The following C3orf33 variants were observed in gnomAD, a reference collection of about 807,000 sequenced individuals.
C3orf33 encodes mitochondrial inner membrane subdomain organizer 1, also known as AP-1 activity suppressor.
Under a neutral mutation model 28.7 loss-of-function variants are expected in C3orf33, and 23 were observed. The ratio of observed to expected loss-of-function variants is 0.80; its 90% CI spans 0.58 to 1.13. The LOEUF (loss-of-function observed/expected upper bound fraction) is 1.13. Ranked by LOEUF, C3orf33 falls within the 50% of genes most tolerant of loss-of-function variation. The pLI is 0.00. For missense variants in C3orf33, 327 were observed against 353.4 expected, an observed-to-expected ratio of 0.93 and a Z score of 0.60; for synonymous variants, 119 against 120.5, an observed-to-expected ratio of 0.99 and a Z score of 0.08.
chr3:155,778,801 T>A (rs942510854), intron 2 of C3orf33, among the ~76,000 whole-genome samples: 2 of 152,164 alleles, frequency 1.3e-5, no homozygotes, highest in African/African-American at 4.8e-5. Flanking sequence ...TTAATCAATG[T>A]CAATAGAAAG....
In C3orf33 at chr3:155,795,694, AC is replaced by A. The variant is rs554760053; in HGVS notation, c.174+6837del. Among the ~76,000 whole-genome samples, 519 of 151,092 alleles carry A rather than the reference AC, an allele frequency of 3.4e-3. 2 individuals are homozygous for A. Among genetic ancestry groups the A allele is most frequent in the African/African-American group, 0.012 (485 of 41,452 alleles). ...ATGAAGGCTGGGAGCGGTGGCTTAC[AC>A]CTGTAATTCCAGCACTTTAGGAGGC... is the stretch of plus-strand genomic sequence containing the variant. On this transcript the variant is annotated intron_variant, in intron 2 of 4. Coordinates refer to ENST00000340171, the MANE Select transcript of C3orf33 (RefSeq NM_001308229.2).
intron 2 of C3orf33, among the ~76,000 whole-genome samples, chr3:155,783,418 G>A (rs894718547): frequency 6.7e-6 from 1 of 150,138 alleles, no homozygotes; most frequent in Non-Finnish European, 1.5e-5. Flanking sequence ...TCCACCCAAA[G>A]GGTTGGGATT....
chr3:155,777,034 T>C (rs1024805880), intron 2 of C3orf33, among the ~76,000 whole-genome samples: 6 of 152,042 alleles, frequency 3.9e-5, no homozygotes, highest in Admixed American at 1.3e-4. Flanking sequence ...ATAGTGACAA[T>C]TGGCCGGGCA....
chr3:155,793,004 C>T (rs892113377), intron 2 of C3orf33, among the ~76,000 whole-genome samples: 2 of 151,612 alleles, frequency 1.3e-5, no homozygotes, highest in African/African-American at 4.8e-5. Context: ...CAGATTTAAC[C>T]GAAAGACGAT....
chr3:155,802,595 C>A lies in C3orf33; in HGVS notation c.115-4G>T. On this transcript the variant is annotated splice_polypyrimidine_tract_variant and splice_region_variant and intron_variant, in intron 1 of 4. Coordinates refer to ENST00000340171, the MANE Select transcript of C3orf33 (RefSeq NM_001308229.2). ...TGGCCATTCCAGTGCTGATGTTCTACAGAAAGAGATTTAAGGGTTAACCCT... is the reference window on the plus strand; with the variant it reads ...TGGCCATTCCAGTGCTGATGTTCTAAAGAAAGAGATTTAAGGGTTAACCCT... 1 of 1,588,704 alleles carries A rather than the reference C, an allele frequency of 6.3e-7. No individual in the cohort carries two copies. The highest frequency in any genetic ancestry group is 8.5e-7 in the Non-Finnish European group (1 of 1,172,582).
intron 2 of C3orf33, among the ~76,000 whole-genome samples, chr3:155,800,238 CAT>C (rs1275811920): frequency 2.6e-5 from 4 of 151,910 alleles, no homozygotes; most frequent in East Asian, 3.9e-4. Context: ...AAAAGGAAAA[CAT>C]AGACAAATTG....
At chr3:155,804,909 T>C (rs867951071) in intron 1 of C3orf33, among the ~76,000 whole-genome samples, 1 of 152,208 alleles carries the variant, frequency 6.6e-6, no homozygotes, top group African/African-American at 2.4e-5. Context: ...AGTCTAATAA[T>C]GATCTCCAAA....
At chr3:155,773,380 A>T (rs1750648363) in intron 3 of C3orf33, among the ~76,000 whole-genome samples, 1 of 152,232 alleles carries the variant, frequency 6.6e-6, no homozygotes, top group South Asian at 2.1e-4. Context: ...GAGGTATAAG[A>T]CATTTAACAT....
intron 4 of C3orf33, among the ~76,000 whole-genome samples, chr3:155,765,400 A>C (rs1265470887): frequency 1.3e-5 from 2 of 152,194 alleles, no homozygotes; most frequent in Non-Finnish European, 2.9e-5. Context: ...CAAAATATAC[A>C]TAATTGATTG....
At chr3:155,766,407 C>T (rs550361507) in intron 4 of C3orf33, among the ~76,000 whole-genome samples, 2 of 152,282 alleles carry the variant, frequency 1.3e-5, no homozygotes, top group South Asian at 4.1e-4. Flanking sequence ...TTAGATGACT[C>T]ATCACTGATC....
intron 2 of C3orf33, among the ~76,000 whole-genome samples, chr3:155,797,724 A>G (rs1431871594): frequency 6.6e-6 from 1 of 152,182 alleles, no homozygotes; most frequent in Non-Finnish European, 1.5e-5. Flanking sequence ...AAATAAAATT[A>G]AATACCTAGG....
chr3:155,806,078 C>T, intron 1 of C3orf33, 61 bp downstream of exon 1: 1 of 1,206,588 alleles, frequency 8.3e-7, no homozygotes, highest in Non-Finnish European at 1.1e-6. Context: ...TCACGTTGTT[C>T]TCAGGGTCGC....
intron 2 of C3orf33, among the ~76,000 whole-genome samples, chr3:155,792,721 GCA>G (rs1244785291): frequency 6.6e-6 from 1 of 151,942 alleles, no homozygotes; most frequent in Non-Finnish European, 1.5e-5. Flanking sequence ...TCTCTAAACA[GCA>G]GAACTGATCA....
At chr3:155,782,338 G>GAA (rs55878451) in intron 2 of C3orf33, among the ~76,000 whole-genome samples, 136 of 147,828 alleles carry the variant, frequency 9.2e-4, no homozygotes, top group African/African-American at 3.0e-3. Context: ...GAAACTATTT[G>GAA]AAAAAAAAAA....
At chr3:155,777,072 C>A (rs187539015) in intron 2 of C3orf33, among the ~76,000 whole-genome samples, 124 of 152,090 alleles carry the variant, frequency 8.2e-4, no homozygotes, top group African/African-American at 2.9e-3. Flanking sequence ...AATCCTAGCA[C>A]TTTTGGAGGC....
rs1329097770 is a variant in C3orf33, at chr3:155,806,248, G to A, written c.5C>T (p.Ala2Val). The change falls in exon 1 of 5, where the codon GCG (alanine) becomes GTG (valine). Residue 2 changes from alanine to valine, a missense_variant. By Grantham distance (64) the Ala-to-Val change is moderately conservative (BLOSUM62 0). Transcript: ENST00000340171. The part of the protein sequence containing the change: M[A>V]GQPAATGSPS... ...CGAGCCGGTGGCCGCGGGCTGCCCCGCCATGTTCCCGGCCTCCTGCGAGCG... is the reference window on the plus strand; with the variant it reads ...CGAGCCGGTGGCCGCGGGCTGCCCCACCATGTTCCCGGCCTCCTGCGAGCG... The A allele has an allele frequency of 6.8e-7, 1 of 1,470,838 alleles. No individual in the cohort carries two copies. 91.1% of individuals were successfully genotyped at this position (1,470,838 alleles called of 1,614,324 possible).
At chr3:155,774,970 C>T in intron 3 of C3orf33, among the ~76,000 whole-genome samples, 1 of 152,090 alleles carries the variant, frequency 6.6e-6, no homozygotes, top group East Asian at 1.9e-4. Flanking sequence ...TTCCATACTG[C>T]CATCCCCAAG....
intron 4 of C3orf33, among the ~76,000 whole-genome samples, chr3:155,767,070 T>C (rs1361954372): frequency 2.0e-5 from 3 of 152,070 alleles, no homozygotes; most frequent in Admixed American, 2.0e-4. Context: ...CTGGCCAACA[T>C]GGTGAAACCC....
At chr3:155,790,326 C>T (rs916974266) in intron 2 of C3orf33, among the ~76,000 whole-genome samples, 4 of 151,164 alleles carry the variant, frequency 2.6e-5, no homozygotes, top group African/African-American at 9.7e-5. Context: ...TATAAAACTC[C>T]TTAAAAAAAA....
Sources: allele counts gnomAD v4.1 joint callset (sites outside exome capture counted in the v4.1 genomes callset), GRCh38; gene constraint gnomAD v4.1.1; transcripts MANE v1.5; gene names NCBI Gene and HGNC (gene_info 2026-07-23, HGNC 2026-07-21).